Variants in CPA6 observed in about 807,000 individuals in gnomAD.
CPA6 encodes carboxypeptidase A6.
A neutral mutation model predicts 63.3 loss-of-function variants in CPA6; 58 were observed. The ratio of observed to expected loss-of-function variants is 0.92; its 90% CI spans 0.74 to 1.14. The LOEUF (loss-of-function observed/expected upper bound fraction) is 1.14. CPA6 is among the 50% of genes most tolerant of loss of function. CPA6 has a pLI of 0.00. For missense variants in CPA6, 565 were observed against 526.6 expected (o/e 1.07, Z -0.71); for synonymous variants, 185 against 179.0 (o/e 1.03, Z -0.27).
At chr8:67,518,127 T>C in intron 2 of CPA6, 80 bp from the exon 3 acceptor site, 1 of 1,339,418 alleles carries the variant, frequency 7.5e-7, no homozygotes, top group Non-Finnish European at 1.0e-6. Context: ...ACACATTCTT[T>C]TGTTTGCATA....
At chr8:67,509,461 A>AAAAG in intron 5 of CPA6, 56 bp downstream of exon 5, 4 of 847,060 alleles carry the variant, frequency 4.7e-6, no homozygotes, top group Non-Finnish European at 3.9e-6. Context: ...TTAAAGTTGA[A>AAAAG]AAAGATGGAT....
chr8:67,602,047 T>C (rs897313549), intron 2 of CPA6, among the ~76,000 whole-genome samples: 1 of 152,200 alleles, frequency 6.6e-6, no homozygotes, highest in Non-Finnish European at 1.5e-5. Context: ...AGAAGCTTTT[T>C]AGATTTTGTT....
At chr8:67,493,822 C>G (rs888020825) in intron 6 of CPA6, among the ~76,000 whole-genome samples, 4 of 151,942 alleles carry the variant, frequency 2.6e-5, no homozygotes, top group African/African-American at 9.7e-5. Context: ...CTTTCTGTAA[C>G]AGGATCAGAT....
At chr8:67,584,941 T>C (rs1382051364) in intron 2 of CPA6, among the ~76,000 whole-genome samples, 3 of 152,030 alleles carry the variant, frequency 2.0e-5, no homozygotes, top group Admixed American at 2.0e-4. Flanking sequence ...GACATACCAT[T>C]AGCCGATTAG....
At chr8:67,731,884 ATGAT>A (rs1817712157) in intron 1 of CPA6, among the ~76,000 whole-genome samples, 1 of 152,222 alleles carries the variant, frequency 6.6e-6, no homozygotes, top group African/African-American at 2.4e-5. Context: ...CTCAAAATGA[ATGAT>A]TGAGGAGTGA....
chr8:67,445,699 A>G (rs1375069605), intron 8 of CPA6, among the ~76,000 whole-genome samples: 1 of 152,200 alleles, frequency 6.6e-6, no homozygotes, highest in Non-Finnish European at 1.5e-5. Flanking sequence ...AATTTATGAT[A>G]TAAATGATGA....
intron 2 of CPA6, among the ~76,000 whole-genome samples, chr8:67,584,091 G>T (rs1046673519): frequency 6.6e-6 from 1 of 152,190 alleles, no homozygotes; most frequent in Non-Finnish European, 1.5e-5. Context: ...CAGAGAATCA[G>T]ACGTTGTAGT....
chr8:67,488,402 A>G (rs949472432), intron 6 of CPA6, among the ~76,000 whole-genome samples: 1 of 152,038 alleles, frequency 6.6e-6, no homozygotes, highest in African/African-American at 2.4e-5. Context: ...GTTCTGTTCC[A>G]TTGGTCTCTA....
At chr8:67,437,830 G>A (rs1363428233) in intron 8 of CPA6, among the ~76,000 whole-genome samples, 1 of 152,124 alleles carries the variant, frequency 6.6e-6, no homozygotes, top group Non-Finnish European at 1.5e-5. Flanking sequence ...ATATCAATAT[G>A]TGATAAATGG....
At chr8:67,730,326 A>G (rs1817682455) in intron 1 of CPA6, among the ~76,000 whole-genome samples, 1 of 152,252 alleles carries the variant, frequency 6.6e-6, no homozygotes, top group Non-Finnish European at 1.5e-5. Flanking sequence ...ATACAGAGCC[A>G]GATGGAAGAG....
chr8:67,655,025 C>T (rs960411538), intron 1 of CPA6, among the ~76,000 whole-genome samples: 1 of 152,128 alleles, frequency 6.6e-6, no homozygotes. Flanking sequence ...AATTAGTTAG[C>T]ATACAGGCAT....
chr8:67,627,165 TTA>T (rs768807673), intron 1 of CPA6, among the ~76,000 whole-genome samples: 2 of 152,226 alleles, frequency 1.3e-5, no homozygotes, highest in East Asian at 3.9e-4. Flanking sequence ...AACCAGTAAA[TTA>T]TATTGATGGA....
At chr8:67,591,870 C>T (rs1198341099) in intron 2 of CPA6, among the ~76,000 whole-genome samples, 1 of 152,134 alleles carries the variant, frequency 6.6e-6, no homozygotes, top group Non-Finnish European at 1.5e-5. Flanking sequence ...TAATTGAATA[C>T]CCTTTATTTC....
intron 1 of CPA6, among the ~76,000 whole-genome samples, chr8:67,696,640 A>G (rs1816917506): frequency 6.6e-6 from 1 of 152,268 alleles, no homozygotes; most frequent in Non-Finnish European, 1.5e-5. Flanking sequence ...TAAGAGATGA[A>G]CAAAATGTGG....
chr8:67,630,685 G>A (rs1815304687), intron 1 of CPA6, among the ~76,000 whole-genome samples: 2 of 152,368 alleles, frequency 1.3e-5, no homozygotes, highest in African/African-American at 4.8e-5. Flanking sequence ...GGCTGGCCGA[G>A]GCCGGAGCTG....
At chr8:67,592,102 G>A (rs2128981181) in intron 2 of CPA6, among the ~76,000 whole-genome samples, 1 of 152,278 alleles carries the variant, frequency 6.6e-6, no homozygotes, top group South Asian at 2.1e-4. Context: ...TTGAAGGGTT[G>A]TTGAATTTTG....
chr8:67,509,880 C>T (rs1812008566), intron 4 of CPA6, among the ~76,000 whole-genome samples: 1 of 152,116 alleles, frequency 6.6e-6, no homozygotes, highest in African/African-American at 2.4e-5. Context: ...TACCATATAT[C>T]ATTAATATAC....
At chr8:67,736,852 G>A (rs546057439) in intron 1 of CPA6, among the ~76,000 whole-genome samples, 6 of 152,290 alleles carry the variant, frequency 3.9e-5, no homozygotes, top group South Asian at 4.1e-4. Flanking sequence ...CTACTTACCT[G>A]ATTCTGAGAT....
chr8:67,429,942 ATC>A (rs1275104468), intron 9 of CPA6, among the ~76,000 whole-genome samples: 13 of 152,092 alleles, frequency 8.5e-5, no homozygotes, highest in African/African-American at 2.9e-4. Flanking sequence ...TTTAGATGTG[ATC>A]TCTCCACAAA....
Sources: allele counts gnomAD v4.1 joint callset (sites outside exome capture counted in the v4.1 genomes callset), GRCh38; gene constraint gnomAD v4.1.1; transcripts MANE v1.5; gene names NCBI Gene and HGNC (gene_info 2026-07-23, HGNC 2026-07-21).